MICAL3: variants seen among roughly 807,000 people sequenced by gnomAD.
The protein encoded by MICAL3 is [F-actin]-monooxygenase MICAL3.
MICAL3 carries 62 observed loss-of-function variants against 207.4 expected under a neutral mutation model. The observed-to-expected ratio is 0.30, with a 90% CI of 0.24 to 0.37. The LOEUF (loss-of-function observed/expected upper bound fraction) is 0.37, where lower values mean the gene tolerates loss of function less well. Ranked by LOEUF, MICAL3 falls within the 10% of genes least tolerant of loss-of-function variation. The pLI is 1.00. For missense variants in MICAL3, 2,368 were observed against 2,635.6 expected (o/e 0.90, Z 2.22); for synonymous variants, 1,077 against 1,069.3 (o/e 1.01, Z -0.14).
chr22:17,909,616 A>C (rs1029251260), intron 1 of MICAL3, among the ~76,000 whole-genome samples: 2 of 152,250 alleles, frequency 1.3e-5, no homozygotes, highest in African/African-American at 4.8e-5. Context: ...AATGGAGTTA[A>C]CTGGAATTAA....
chr22:17,860,842 A>G (rs1013007690), intron 19 of MICAL3: 4 of 985,340 alleles, frequency 4.1e-6, no homozygotes, highest in East Asian at 1.1e-4. Flanking sequence ...CCTGACCTGG[A>G]GTACGGCTCC....
Position 17,871,922 on chromosome 22 carries a change from G to C in MICAL3, c.2343C>G (p.Gly781=), listed in dbSNP as rs2146166689. 6.2e-7 allele frequency: 1 copy of C among 1,611,356 alleles called. No individual in the cohort carries two copies. Among genetic ancestry groups the C allele is most frequent in the East Asian group, 2.2e-5 (1 of 44,810 alleles). Residue 781 remains glycine (G), a synonymous_variant, in exon 17 of 32, where the codon GGC becomes GGG. Coordinates refer to ENST00000441493, the MANE Select transcript of MICAL3 (RefSeq NM_015241.3). The stretch of plus-strand genomic sequence containing the variant: ...TGAAGCAGCTCCGGTGGAAGAACTT[G>C]CCCTCGGCACTCAGCCTCTCCATCA... ...VYVMERLSAE[G]KFFHRSCFKC...
chr22:17,835,513 A>G (rs1330752387), intron 20 of MICAL3, among the ~76,000 whole-genome samples: 1 of 151,194 alleles, frequency 6.6e-6, no homozygotes, highest in African/African-American at 2.5e-5. Context: ...CAGTACCTCG[A>G]GGCTCCCAGC....
At chr22:17,945,010 T>C (rs1464327151) in intron 1 of MICAL3, among the ~76,000 whole-genome samples, 1 of 34,862 alleles carries the variant, frequency 2.9e-5, no homozygotes, top group Admixed American at 3.7e-4. Flanking sequence ...TGGGGGACCT[T>C]TTTTTTTTTT....
intron 1 of MICAL3, among the ~76,000 whole-genome samples, chr22:17,955,460 C>T (rs1360623801): frequency 6.6e-6 from 1 of 152,216 alleles, no homozygotes; most frequent in Admixed American, 6.5e-5. Flanking sequence ...GGGGATGTAG[C>T]TATCAGTAGG....
intron 1 of MICAL3, among the ~76,000 whole-genome samples, chr22:18,002,630 C>T (rs1044297020): frequency 2.0e-5 from 3 of 151,838 alleles, no homozygotes; most frequent in African/African-American, 7.3e-5. Flanking sequence ...GAGCCTCTGT[C>T]TAAAAAAAAG....
In MICAL3 at chr22:17,827,665, A is replaced by G; in HGVS notation, c.3172T>C (p.Ser1058Pro). The G allele has an allele frequency of 6.3e-7, 1 of 1,574,886 alleles. No homozygotes were observed. Among genetic ancestry groups the G allele is most frequent in the Non-Finnish European group, 8.6e-7 (1 of 1,160,536 alleles). Reference protein sequence around the residue: ...REEEERMAPASESSASGAPLD... With the variant: ...REEEERMAPAPESSASGAPLD... The stretch of plus-strand genomic sequence containing the variant: ...TTACCTCCGGAAGCAGAGGACTCAG[A>G]GGCCGGCGCCATCCTCTCTTCCTCC... The change falls in exon 22 of 32, where the codon TCT becomes CCT. Residue 1058 changes from serine to proline, a missense_variant. Physicochemically the swap from Ser to Pro is moderately conservative, Grantham distance 74. Coordinates refer to ENST00000441493, the MANE Select transcript of MICAL3 (RefSeq NM_015241.3).
At chr22:17,873,450 C>T (rs147131450) in intron 16 of MICAL3, among the ~76,000 whole-genome samples, 21 of 152,364 alleles carry the variant, frequency 1.4e-4, no homozygotes, top group African/African-American at 5.0e-4. Flanking sequence ...TTGGAAGAAG[C>T]CTTCTCAGCC....
chr22:17,925,801 GAC>G (rs543614324), intron 1 of MICAL3, among the ~76,000 whole-genome samples: 259 of 152,186 alleles, frequency 1.7e-3, no homozygotes, highest in Middle Eastern at 6.8e-3. Flanking sequence ...TCTTCACCAT[GAC>G]AGATCTTAGC....
intron 27 of MICAL3, chr22:17,812,650 A>G: frequency 1.4e-5 from 8 of 556,198 alleles, no homozygotes; most frequent in South Asian, 7.8e-5. Context: ...ATGGAGCAAA[A>G]TAAGTTAGAA....
chr22:17,893,743 G>T, intron 11 of MICAL3, 65 bp downstream of exon 11: 2 of 1,187,990 alleles, frequency 1.7e-6, no homozygotes, highest in South Asian at 1.3e-5. Context: ...TTGTGGCTCA[G>T]GGAATGAGTA....
At chr22:17,874,186 A>C (rs1416498689) in intron 16 of MICAL3, among the ~76,000 whole-genome samples, 2 of 152,224 alleles carry the variant, frequency 1.3e-5, no homozygotes, top group African/African-American at 2.4e-5. Context: ...CAAAAATAAG[A>C]TTCCCAAGGA....
At chr22:17,861,184 G>C in intron 19 of MICAL3, 1 of 985,360 alleles carries the variant, frequency 1.0e-6, no homozygotes. Flanking sequence ...GGGAACCCTA[G>C]GGTTGAATGA....
chr22:17,998,180 T>C (rs988913561), intron 1 of MICAL3, among the ~76,000 whole-genome samples: 1 of 152,178 alleles, frequency 6.6e-6, no homozygotes, highest in African/African-American at 2.4e-5. Flanking sequence ...GGCAGGTGCC[T>C]GTAGTCCCAG....
intron 1 of MICAL3, among the ~76,000 whole-genome samples, chr22:17,979,195 C>A (rs1170041284): frequency 6.6e-6 from 1 of 151,822 alleles, no homozygotes; most frequent in Non-Finnish European, 1.5e-5. Flanking sequence ...AGGGGAGTAA[C>A]CATGTCTTAT....
rs368556195 is a variant in MICAL3 at position 17,831,802 on chromosome 22, C to G, written c.3055+52G>C. ...AAACCTCTTACACTCACGCATGAAA[C>G]AGATCACTTTGGGGGGCAGGGCAGA... On this transcript the variant is annotated intron_variant, in intron 21 of 31. Coordinates refer to ENST00000441493, the MANE Select transcript of MICAL3 (RefSeq NM_015241.3). 1.0e-4 allele frequency: 159 copies of G among 1,530,074 alleles called. No individual in the cohort carries two copies. The East Asian group carries it at 1.8e-3, about 17-fold the overall frequency. The allele number at this position is 1,530,074 out of a possible 1,614,324, so 94.8% of individuals were successfully genotyped here.
intron 1 of MICAL3, among the ~76,000 whole-genome samples, chr22:17,950,584 G>A (rs1022636913): frequency 6.6e-5 from 10 of 151,840 alleles, no homozygotes; most frequent in Non-Finnish European, 1.3e-4. Flanking sequence ...TGATCCTCCC[G>A]CCTCGACCTC....
chr22:17,802,532 C>T (rs2061951053), intron 29 of MICAL3, among the ~76,000 whole-genome samples: 1 of 151,960 alleles, frequency 6.6e-6, no homozygotes, highest in Non-Finnish European at 1.5e-5. Context: ...CCCTGGGACA[C>T]TGAGGGAGTC....
intron 16 of MICAL3, chr22:17,872,831 G>C (rs370830916): frequency 3.7e-6 from 6 of 1,610,974 alleles, no homozygotes; most frequent in Non-Finnish European, 5.1e-6. Flanking sequence ...AGCTCACTCC[G>C]CCCGTGTACA....
Sources: gnomAD v4.1 joint callset for allele counts (sites outside exome capture counted in the v4.1 genomes callset) on GRCh38, gnomAD v4.1.1 for gene constraint, MANE v1.5 for transcripts, NCBI Gene and HGNC (gene_info 2026-07-23, HGNC 2026-07-21) for gene names.